The following PLAC1 variants were observed in gnomAD, a reference collection of about 807,000 sequenced individuals.
The protein encoded by PLAC1 is placenta associated 1, also known as placenta-specific protein 1.
For synonymous variants in PLAC1, 68 were observed against 62.1 expected (o/e 1.09, Z -0.44); for missense variants, 136 against 163.2 (o/e 0.83, Z 0.91).
At chrX:134,705,159 G>A (rs1390144472) in intron 2 of PLAC1, among the ~76,000 whole-genome samples, 2 of 104,300 alleles carry the variant, frequency 1.9e-5, no homozygotes, top group African/African-American at 3.5e-5. Flanking sequence ...GGTGGCTCAC[G>A]CCTGTAATCC....
intron 1 of PLAC1, among the ~76,000 whole-genome samples, chrX:134,618,193 G>A (rs2078193783): frequency 9.0e-6 from 1 of 111,538 alleles, no homozygotes; most frequent in African/African-American, 3.3e-5. Flanking sequence ...CCTATGTTTT[G>A]AATAAAGTGA....
intron 1 of PLAC1, among the ~76,000 whole-genome samples, chrX:134,619,623 C>G (rs956456203): frequency 9.5e-6 from 1 of 105,584 alleles, no homozygotes; most frequent in Non-Finnish European, 1.9e-5. Context: ...TGCACTTGAG[C>G]CTGGGTGACA....
At chrX:134,665,485 G>A (rs1452270029) in intron 2 of PLAC1, among the ~76,000 whole-genome samples, 1 of 111,752 alleles carries the variant, frequency 8.9e-6, no homozygotes, top group Non-Finnish European at 1.9e-5. Context: ...GATTATAATG[G>A]GTACTTCTAT....
chrX:134,700,677 C>T (rs1005227263), intron 2 of PLAC1, among the ~76,000 whole-genome samples: 6 of 111,570 alleles, frequency 5.4e-5, no homozygotes, highest in Non-Finnish European at 1.1e-4. Context: ...TTCAATAATG[C>T]AATTTCATTT....
chrX:134,729,245 A>C (rs2078681898), intron 2 of PLAC1, among the ~76,000 whole-genome samples: 1 of 111,998 alleles, frequency 8.9e-6, no homozygotes, highest in African/African-American at 3.2e-5. Flanking sequence ...TAGCTTTAGC[A>C]AGGAAATGAT....
chrX:134,751,627 C>A (rs1048582339), intron 1 of PLAC1, among the ~76,000 whole-genome samples: 1 of 111,722 alleles, frequency 9.0e-6, no homozygotes, highest in Non-Finnish European at 1.9e-5. Flanking sequence ...TTCCTCCCAT[C>A]TCTTGTCTCT....
chrX:134,616,839 G>A (rs1183878567), intron 1 of PLAC1, among the ~76,000 whole-genome samples: 1 of 107,647 alleles, frequency 9.3e-6, no homozygotes, highest in Non-Finnish European at 1.9e-5. Context: ...GCAGTGGTGC[G>A]ATCTCGACTC....
intron 2 of PLAC1, among the ~76,000 whole-genome samples, chrX:134,579,092 A>C: frequency 9.0e-6 from 1 of 111,265 alleles, no homozygotes; most frequent in Non-Finnish European, 1.9e-5. Flanking sequence ...ATATGGCAAC[A>C]AATCTCAAAA....
At position 134,680,590 on chromosome X, in the gene PLAC1, AAACTAAACTAAACT is replaced by A. The variant is rs1406342144; in HGVS notation, n.174+52831_174+52844del. 4.6e-4 allele frequency among the ~76,000 whole-genome samples: 49 copies of A among 106,504 alleles called. No individual in the cohort carries two copies. The East Asian group carries it at 5.8e-3, about 13-fold the overall frequency. 92.5% of individuals were successfully genotyped at this position (106,504 alleles called of 115,157 possible). On this transcript the variant is annotated intron_variant and non_coding_transcript_variant, in intron 2 of 2. Transcript: ENST00000466797. ...AAACTAAACTAAACTAAACTAAACT[AAACTAAACTAAACT>A]AAACACCTTCCTTCCCTGATCCCTT...
chrX:134,721,895 G>C (rs1284118287), intron 2 of PLAC1, among the ~76,000 whole-genome samples: 1 of 111,417 alleles, frequency 9.0e-6, no homozygotes, highest in Non-Finnish European at 1.9e-5. Context: ...AAAAAAGGCA[G>C]ATAATAACAG....
chrX:134,610,031 G>T (rs2078144729), intron 1 of PLAC1, among the ~76,000 whole-genome samples: 3 of 110,634 alleles, frequency 2.7e-5, no homozygotes, highest in African/African-American at 9.9e-5. Context: ...AGGCTGGAGT[G>T]CAATGGCGCA....
chrX:134,581,521 C>T (rs1329596988), intron 2 of PLAC1, among the ~76,000 whole-genome samples: 2 of 97,468 alleles, frequency 2.1e-5, no homozygotes, highest in African/African-American at 7.6e-5. Flanking sequence ...CTCTGTCACC[C>T]AGGCTGGAGT....
chrX:134,578,101 T>C (rs2077949759), intron 2 of PLAC1, among the ~76,000 whole-genome samples: 2 of 110,344 alleles, frequency 1.8e-5, no homozygotes, highest in South Asian at 3.9e-4. Flanking sequence ...CTCAGAATGA[T>C]TCTAAGTATT....
chrX:134,645,188 C>T (rs1361704861), intron 1 of PLAC1, among the ~76,000 whole-genome samples: 3 of 110,300 alleles, frequency 2.7e-5, no homozygotes, highest in Admixed American at 9.5e-5. Context: ...TTCAGCGCCT[C>T]GTATTGTCCT....
intron 2 of PLAC1, among the ~76,000 whole-genome samples, chrX:134,689,508 A>C (rs924806444): frequency 9.0e-6 from 1 of 111,491 alleles, no homozygotes; most frequent in Non-Finnish European, 1.9e-5. Context: ...TCCTCCATCA[A>C]GCCCTCCCCA....
intron 2 of PLAC1, among the ~76,000 whole-genome samples, chrX:134,717,504 G>A (rs1490339111): frequency 3.6e-5 from 4 of 111,682 alleles, no homozygotes; most frequent in East Asian, 2.8e-4. Flanking sequence ...CAAGCGATCC[G>A]CCTGCCTCAG....
intron 2 of PLAC1, among the ~76,000 whole-genome samples, chrX:134,726,282 T>G (rs994634967): frequency 2.7e-5 from 3 of 111,461 alleles, no homozygotes; most frequent in African/African-American, 6.5e-5. Context: ...AGAAGCCTTA[T>G]AAATTCTATT....
intron 1 of PLAC1, among the ~76,000 whole-genome samples, chrX:134,605,066 T>G (rs73566620): frequency 0.024 from 2,621 of 111,293 alleles, 80 homozygotes; most frequent in African/African-American, 0.08. Context: ...AAGCATTTGT[T>G]TGCCAACTTT....
intron 2 of PLAC1, among the ~76,000 whole-genome samples, chrX:134,689,711 A>G (rs906677376): frequency 4.5e-5 from 5 of 111,810 alleles, no homozygotes; most frequent in African/African-American, 1.6e-4. Context: ...GTGCCCTCCT[A>G]AGTAAAATGA....
Sources: allele counts gnomAD v4.1 joint callset (sites outside exome capture counted in the v4.1 genomes callset), GRCh38; gene constraint gnomAD v4.1.1; transcripts MANE v1.5; gene names NCBI Gene and HGNC (gene_info 2026-07-23, HGNC 2026-07-21).